The following DNAH3 variants were observed in gnomAD, a reference collection of about 807,000 sequenced individuals.
The protein encoded by DNAH3 is dynein axonemal heavy chain 3.
Under a neutral mutation model 432.5 loss-of-function variants are expected in DNAH3, and 332 were observed. The ratio of observed to expected loss-of-function variants is 0.77; its 90% CI spans 0.70 to 0.84. The LOEUF is 0.84. DNAH3 is among the 40% of genes least tolerant of loss of function. DNAH3 has a pLI of 0.00. For missense variants in DNAH3, 4,861 were observed against 5,114.0 expected, an observed-to-expected ratio of 0.95 and a Z score of 1.51; for synonymous variants, 1,956 against 1,900.2, an observed-to-expected ratio of 1.03 and a Z score of -0.76.
chr16:20,992,211 A>G (rs2086587065), intron 44 of DNAH3, among the ~76,000 whole-genome samples: 1 of 152,190 alleles, frequency 6.6e-6, no homozygotes, highest in Non-Finnish European at 1.5e-5. Context: ...GTTGAAGCTT[A>G]AATTTTCTCA....
intron 49 of DNAH3, among the ~76,000 whole-genome samples, chr16:20,982,016 T>C (rs951784183): frequency 6.8e-6 from 1 of 147,634 alleles, no homozygotes; most frequent in Non-Finnish European, 1.5e-5. Flanking sequence ...ATATATATAA[T>C]TAAGTATATA....
chr16:20,956,352 G>C (rs775189487), intron 54 of DNAH3, among the ~76,000 whole-genome samples: 1 of 152,118 alleles, frequency 6.6e-6, no homozygotes, highest in Non-Finnish European at 1.5e-5. Context: ...AACAGTGACC[G>C]CTCTCCTTGC....
At chr16:21,082,565 T>TC (rs1431156431) in intron 19 of DNAH3, among the ~76,000 whole-genome samples, 7 of 152,098 alleles carry the variant, frequency 4.6e-5, no homozygotes, top group Non-Finnish European at 7.4e-5. Flanking sequence ...TGCAGTGGCT[T>TC]ACTCCTGTAA....
At chr16:20,949,974 C>T (rs1191212072) in intron 56 of DNAH3, among the ~76,000 whole-genome samples, 3 of 152,194 alleles carry the variant, frequency 2.0e-5, no homozygotes, top group Admixed American at 6.6e-5. Context: ...TGTGCTTCTG[C>T]ATGACCTGGA....
At chr16:21,008,380 G>C (rs1028086295) in intron 41 of DNAH3, among the ~76,000 whole-genome samples, 2 of 152,124 alleles carry the variant, frequency 1.3e-5, no homozygotes, top group Non-Finnish European at 2.9e-5. Flanking sequence ...TTAATCCATA[G>C]GGTTGGGTAA....
intron 12 of DNAH3, among the ~76,000 whole-genome samples, chr16:21,112,373 G>A (rs1369718990): frequency 6.6e-6 from 1 of 152,112 alleles, no homozygotes; most frequent in Non-Finnish European, 1.5e-5. Flanking sequence ...ACTGCTGATA[G>A]AGACATACTC....
At chr16:21,121,569 T>C (rs914080346) in intron 10 of DNAH3, among the ~76,000 whole-genome samples, 2 of 151,848 alleles carry the variant, frequency 1.3e-5, no homozygotes, top group Non-Finnish European at 2.9e-5. Context: ...CACTATACTC[T>C]CTCACAAAGT....
At chr16:21,101,057 C>T (rs540903640) in intron 16 of DNAH3, among the ~76,000 whole-genome samples, 5 of 152,254 alleles carry the variant, frequency 3.3e-5, no homozygotes, top group African/African-American at 9.6e-5. Flanking sequence ...TCCCTATAAA[C>T]CTATTGCAAT....
intron 31 of DNAH3, among the ~76,000 whole-genome samples, chr16:21,048,123 C>T (rs1021640557): frequency 1.6e-4 from 24 of 152,244 alleles, no homozygotes; most frequent in African/African-American, 5.8e-4. Context: ...TTACTGCTGT[C>T]TTTTTGTTTG....
intron 44 of DNAH3, among the ~76,000 whole-genome samples, chr16:20,989,632 C>T (rs1210645399): frequency 2.0e-5 from 3 of 152,244 alleles, no homozygotes; most frequent in Non-Finnish European, 4.4e-5. Context: ...CAGTCCCGGG[C>T]GGTACGCTCG....
Position 21,125,270 on chromosome 16 carries a change from A to ATTCCTCAATGT in DNAH3, c.1298_1308dup (p.Tyr437ThrfsTer33), listed in dbSNP as rs753882830. Reference sequence around the variant, plus strand: ...ATGAATGATGCCACAGAAGCAAAATATTCCTCAATGTTTCGACTTGAGTCA... The same window carrying ATTCCTCAATGT: ...ATGAATGATGCCACAGAAGCAAAATATTCCTCAATGTTTCCTCAATGTTTCGACTTGAGTCA... On this transcript the variant is annotated frameshift_variant, in exon 9 of 62. Coordinates refer to ENST00000261383, the Ensembl canonical transcript of DNAH3. LOFTEE classifies it high-confidence loss of function. 3.3e-5 allele frequency: 54 copies of ATTCCTCAATGT among 1,613,790 alleles called. No homozygotes were observed. The highest frequency in any genetic ancestry group is 1.7e-6 in the Non-Finnish European group (2 of 1,179,894).
chr16:20,987,829 T>G (rs150889847), exon 46 of DNAH3: 6 of 1,614,046 alleles, frequency 3.7e-6, no homozygotes, highest in South Asian at 2.2e-5. Flanking sequence ...CTTAGTAGCT[T>G]GGACCAGCAT....
chr16:20,993,243 G>T (rs971694697), intron 44 of DNAH3, among the ~76,000 whole-genome samples: 1 of 152,044 alleles, frequency 6.6e-6, no homozygotes, highest in African/African-American at 2.4e-5. Flanking sequence ...CAAGGGATAA[G>T]ATAAATAGAA....
chr16:21,105,070 C>T (rs142918463), intron 15 of DNAH3, among the ~76,000 whole-genome samples: 25 of 152,284 alleles, frequency 1.6e-4, no homozygotes, highest in Middle Eastern at 6.8e-3. Context: ...TTTTATGACT[C>T]TGGTGAATTA....
At chr16:21,034,041 T>A (rs774391967) in exon 36 of DNAH3, 1 of 1,613,854 alleles carries the variant, frequency 6.2e-7, no homozygotes, top group Non-Finnish European at 8.5e-7. Context: ...CCATGGGGTC[T>A]CCTACAATCA....
chr16:21,101,089 A>C (rs1169368535), intron 16 of DNAH3, among the ~76,000 whole-genome samples: 1 of 152,184 alleles, frequency 6.6e-6, no homozygotes, highest in Non-Finnish European at 1.5e-5. Context: ...GGAAATTGAA[A>C]ATTCATTTAA....
chr16:21,142,654 CTTTT>C (rs11336320), intron 3 of DNAH3, among the ~76,000 whole-genome samples: 6 of 136,356 alleles, frequency 4.4e-5, no homozygotes, highest in Non-Finnish European at 6.3e-5. Flanking sequence ...TACAAAAATC[CTTTT>C]TTTTTTTTTT....
chr16:20,956,519 T>C (rs1015226892), intron 54 of DNAH3, among the ~76,000 whole-genome samples: 1 of 152,152 alleles, frequency 6.6e-6, no homozygotes, highest in Non-Finnish European at 1.5e-5. Flanking sequence ...CTGGCCCCTA[T>C]AGGCACTTGA....
In DNAH3 at chr16:21,137,281, T is replaced by C. The variant is rs557508535; in HGVS notation, c.697-768A>G. 7.6e-3 allele frequency among the ~76,000 whole-genome samples: 934 copies of C among 122,756 alleles called. 6 individuals carry two copies. Among genetic ancestry groups the C allele is most frequent in the Middle Eastern group, 0.026 (6 of 232 alleles). The allele number at this position is 122,756 out of a possible 152,430, so 80.5% of individuals were successfully genotyped here. On this transcript the variant is annotated intron_variant, in intron 5 of 61. Coordinates refer to ENST00000261383, the Ensembl canonical transcript of DNAH3. Reference sequence around the variant, plus strand: ...CTGTCTAAAAAAAAAAAAAAAAAAGTAAAGGAATGACAAGCTCCTAAAATG... The same window carrying C: ...CTGTCTAAAAAAAAAAAAAAAAAAGCAAAGGAATGACAAGCTCCTAAAATG...
Sources: allele counts gnomAD v4.1 joint callset (sites outside exome capture counted in the v4.1 genomes callset), GRCh38; gene constraint gnomAD v4.1.1; transcripts MANE v1.5; gene names NCBI Gene and HGNC (gene_info 2026-07-23, HGNC 2026-07-21).